PITPNC1: variants seen among roughly 807,000 people sequenced by gnomAD.
The protein encoded by PITPNC1 is cytoplasmic phosphatidylinositol transfer protein 1.
In PITPNC1, 18 loss-of-function variants were observed where a neutral mutation model predicts 44.7. The ratio of observed to expected loss-of-function variants is 0.40; its 90% CI spans 0.28 to 0.60. PITPNC1 has a LOEUF of 0.60. Among genes scored for constraint, PITPNC1 ranks in the 20% least tolerant of loss-of-function variants. The probability of loss-of-function intolerance (pLI) is 0.39; values close to 1 mark genes in which losing one functional copy is unlikely to be tolerated. For missense variants in PITPNC1, 290 were observed against 418.4 expected (o/e 0.69, Z 2.68); for synonymous variants, 141 against 149.6 (o/e 0.94, Z 0.42).
chr17:67,531,450 C>T (rs562741073), intron 1 of PITPNC1, among the ~76,000 whole-genome samples: 6 of 152,272 alleles, frequency 3.9e-5, no homozygotes, highest in Admixed American at 1.3e-4. Context: ...AAGACCCAGA[C>T]GGCAGCTTGC....
At chr17:67,452,734 C>T (rs1359102805) in intron 1 of PITPNC1, among the ~76,000 whole-genome samples, 2 of 152,198 alleles carry the variant, frequency 1.3e-5, no homozygotes, top group Non-Finnish European at 2.9e-5. Context: ...GATCCACCCA[C>T]CTCGGCCTCC....
rs2042834595 is a variant in PITPNC1, at chr17:67,687,288, CAT to C, written c.683-5283_683-5282del. 11 of 673,618 alleles carry C rather than the reference CAT, an allele frequency of 1.6e-5. No individual in the cohort carries two copies. The South Asian group carries it at 2.0e-4, about 12-fold the overall frequency. 41.7% of individuals were successfully genotyped at this position (673,618 alleles called of 1,614,324 possible). ...CCCGGTTCGCAACCTTCCATAGAAACATGTCGTCACCCAGACCCTGTTGCTGC... is the reference window on the plus strand; with the variant it reads ...CCCGGTTCGCAACCTTCCATAGAAACGTCGTCACCCAGACCCTGTTGCTGC... On this transcript the variant is annotated intron_variant, in intron 8 of 8. Transcript: ENST00000581322.
chr17:67,479,466 G>A (rs1328897082), intron 1 of PITPNC1, among the ~76,000 whole-genome samples: 1 of 152,158 alleles, frequency 6.6e-6, no homozygotes. Context: ...TAATTTGGGC[G>A]GGAGTCTGCC....
chr17:67,382,268 G>A (rs141119716), intron 1 of PITPNC1, among the ~76,000 whole-genome samples: 3 of 151,886 alleles, frequency 2.0e-5, no homozygotes, highest in Non-Finnish European at 4.4e-5. Context: ...CAGGAAAAAA[G>A]AACAGCTCTG....
At chr17:67,522,779 C>T (rs2040344927) in intron 1 of PITPNC1, among the ~76,000 whole-genome samples, 1 of 151,706 alleles carries the variant, frequency 6.6e-6, no homozygotes, top group Non-Finnish European at 1.5e-5. Context: ...CATCCCGCCT[C>T]AGCCTCCCGA....
intron 1 of PITPNC1, among the ~76,000 whole-genome samples, chr17:67,403,811 C>A (rs2143827061): frequency 6.6e-6 from 1 of 152,236 alleles, no homozygotes; most frequent in East Asian, 1.9e-4. Context: ...CACCTGAGGT[C>A]AGGAGTTTGA....
chr17:67,673,402 G>GACAC (rs142605380), intron 7 of PITPNC1, among the ~76,000 whole-genome samples: 3 of 150,852 alleles, frequency 2.0e-5, no homozygotes, highest in Admixed American at 6.6e-5. Flanking sequence ...CACACACGCA[G>GACAC]ACACACACAC....
At chr17:67,666,911 C>G (rs1037625289) in intron 6 of PITPNC1, among the ~76,000 whole-genome samples, 1 of 152,198 alleles carries the variant, frequency 6.6e-6, no homozygotes, top group African/African-American at 2.4e-5. Flanking sequence ...GAGAATAAAC[C>G]TGTCTTTATT....
chr17:67,459,156 C>T (rs890408265), intron 1 of PITPNC1, among the ~76,000 whole-genome samples: 13 of 107,040 alleles, frequency 1.2e-4, no homozygotes, highest in African/African-American at 1.5e-4. Context: ...TTGCTCTTGT[C>T]GCCCAGGCTG....
rs1285709880 is a variant in PITPNC1, at chr17:67,631,628, C to CA, written c.367-510dup. On this transcript the variant is annotated intron_variant, in intron 5 of 8. Transcript: ENST00000581322. The stretch of plus-strand genomic sequence containing the variant: ...TGGGCGAAAGAGTGAGACTCCGTCT[C>CA]AAAAACCAAAAAAAAAAAAAAAAAA... Among the ~76,000 whole-genome samples the CA allele has an allele frequency of 5.3e-3, 71 of 13,352 alleles. 12 individuals are homozygous for CA. Among genetic ancestry groups the CA allele is most frequent in the African/African-American group, 0.017 (65 of 3,750 alleles). The allele number at this position is 13,352 out of a possible 152,430, so 8.8% of individuals were successfully genotyped here. A position where few individuals can be genotyped will look rare whatever the true frequency, so the allele number is the denominator to read the frequency against.
chr17:67,657,284 A>G (rs7223697), intron 6 of PITPNC1, among the ~76,000 whole-genome samples: 8,504 of 151,968 alleles, frequency 0.056, 338 homozygotes, highest in East Asian at 0.2. Flanking sequence ...ACCTCCCTCT[A>G]GCTCTTTGAA....
chr17:67,469,025 G>C (rs1212041269), intron 1 of PITPNC1, among the ~76,000 whole-genome samples: 1 of 152,202 alleles, frequency 6.6e-6, no homozygotes, highest in East Asian at 1.9e-4. Context: ...CACTGCGCCT[G>C]GCCCAGGTGA....
intron 4 of PITPNC1, among the ~76,000 whole-genome samples, chr17:67,570,512 C>T (rs898531133): frequency 3.3e-5 from 5 of 152,290 alleles, no homozygotes; most frequent in South Asian, 2.1e-4. Context: ...TGCCTTTGAC[C>T]CCAGCTCAGC....
chr17:67,582,017 G>C (rs1434109975), intron 5 of PITPNC1, among the ~76,000 whole-genome samples: 1 of 152,064 alleles, frequency 6.6e-6, no homozygotes, highest in African/African-American at 2.4e-5. Context: ...TGGGTGACAA[G>C]AGTGAAACTC....
chr17:67,411,336 A>C (rs539389668), intron 1 of PITPNC1, among the ~76,000 whole-genome samples: 2 of 152,156 alleles, frequency 1.3e-5, no homozygotes, highest in South Asian at 2.1e-4. Context: ...GAGTGGGGCA[A>C]ATCTACAGCT....
chr17:67,644,461 G>A (rs2042125483), intron 6 of PITPNC1, among the ~76,000 whole-genome samples: 1 of 123,602 alleles, frequency 8.1e-6, no homozygotes, highest in Non-Finnish European at 1.6e-5. Flanking sequence ...TTGAGACAGA[G>A]TCTCACTCTG....
rs1832993472 is a variant in PITPNC1 at position 67,693,929 on chromosome 17, A to G, written c.*1041A>G. The G allele has an allele frequency of 6.6e-6, 1 of 152,222 alleles. No individual in the cohort carries two copies. The allele number at this position is 152,222 out of a possible 1,614,324, so 9.4% of individuals were successfully genotyped here. On this transcript the variant is annotated 3_prime_UTR_variant, in exon 9 of 9. Transcript: ENST00000581322. ...GATTGCCTACCACCAGACCTTAGAA[A>G]AGACTGTCATTCTCTTGCTCCTTAC... is the stretch of plus-strand genomic sequence containing the variant.
At chr17:67,439,634 A>G (rs1475048624) in intron 1 of PITPNC1, among the ~76,000 whole-genome samples, 2 of 152,198 alleles carry the variant, frequency 1.3e-5, no homozygotes, top group Non-Finnish European at 2.9e-5. Flanking sequence ...AAAATTATAT[A>G]TATTTATAAT....
At position 67,495,040 on chromosome 17, in the gene PITPNC1, G is replaced by GTTTTTTTTTTTTTTTTTTTTTTTTTTT. The variant is rs879366971; in HGVS notation, c.49-37751_49-37750insTTTTTTTTTTTTTTTTTTTTTTTTTTT. ...TTTGGCAATATTGAGCCATGGAGTT[G>GTTTTTTTTTTTTTTTTTTTTTTTTTTT]TTTTTTTTTTTGTTTTTTTTTTTTT... On this transcript the variant is annotated intron_variant, in intron 1 of 8. Transcript: ENST00000581322. Among the ~76,000 whole-genome samples the GTTTTTTTTTTTTTTTTTTTTTTTTTTT allele has an allele frequency of 3.2e-4, 21 of 64,722 alleles. 5 individuals carry two copies. The highest frequency in any genetic ancestry group is 4.3e-4 in the Non-Finnish European group (16 of 37,130). 42.5% of individuals were successfully genotyped at this position (64,722 alleles called of 152,430 possible).
Sources: allele counts gnomAD v4.1 joint callset (sites outside exome capture counted in the v4.1 genomes callset), GRCh38; gene constraint gnomAD v4.1.1; transcripts MANE v1.5; gene names NCBI Gene and HGNC (gene_info 2026-07-23, HGNC 2026-07-21).